PDSS2: variants seen among roughly 807,000 people sequenced by gnomAD.
PDSS2 encodes the protein decaprenyl diphosphate synthase subunit 2, also known as all trans-polyprenyl-diphosphate synthase PDSS2.
Under a neutral mutation model 44.5 loss-of-function variants are expected in PDSS2, and 31 were observed. The observed-to-expected ratio is 0.70, with a 90% CI of 0.52 to 0.94. PDSS2 has a LOEUF of 0.94. PDSS2 is among the 40% of genes least tolerant of loss of function. PDSS2 has a pLI of 0.00. For synonymous variants in PDSS2, 157 were observed against 180.3 expected (o/e 0.87, Z 1.03); for missense variants, 452 against 482.2 (o/e 0.94, Z 0.59).
At chr6:107,421,093 A>C (rs910081106) in intron 1 of PDSS2, among the ~76,000 whole-genome samples, 4 of 152,172 alleles carry the variant, frequency 2.6e-5, no homozygotes, top group Non-Finnish European at 5.9e-5. Context: ...ACATGAAAAA[A>C]CGTTCGACAT....
intron 2 of PDSS2, among the ~76,000 whole-genome samples, chr6:107,322,585 C>G (rs1376752628): frequency 2.6e-5 from 4 of 151,080 alleles, no homozygotes; most frequent in African/African-American, 9.7e-5. Flanking sequence ...TGGCTCATGC[C>G]TGTAATCCCA....
chr6:107,273,947 G>A, intron 3 of PDSS2, 82 bp downstream of exon 3: 1 of 1,036,322 alleles, frequency 9.6e-7, no homozygotes, highest in South Asian at 1.3e-5. Flanking sequence ...GGGGCAGCCG[G>A]GCACACAGAC....
chr6:107,402,876 A>T (rs577065359), intron 1 of PDSS2, among the ~76,000 whole-genome samples: 1 of 152,144 alleles, frequency 6.6e-6, no homozygotes, highest in South Asian at 2.1e-4. Context: ...GGATTATGGG[A>T]ACTACAGTTC....
chr6:107,368,009 G>A (rs981246660), intron 1 of PDSS2, among the ~76,000 whole-genome samples: 1 of 151,968 alleles, frequency 6.6e-6, no homozygotes, highest in African/African-American at 2.4e-5. Flanking sequence ...GGTGGCTCAC[G>A]CCCGTAATCC....
At chr6:107,170,771 CCTGG>C (rs1485445389) in intron 7 of PDSS2, among the ~76,000 whole-genome samples, 2 of 152,120 alleles carry the variant, frequency 1.3e-5, no homozygotes, top group Admixed American at 1.3e-4. Flanking sequence ...TGCCATGATG[CCTGG>C]CTAATTTTTG....
At chr6:107,310,380 C>CA (rs1562453097) in intron 2 of PDSS2, among the ~76,000 whole-genome samples, 1 of 151,660 alleles carries the variant, frequency 6.6e-6, no homozygotes, top group African/African-American at 2.4e-5. Flanking sequence ...GATTCACTGC[C>CA]AAAAAAGAGA....
Position 107,343,367 on chromosome 6 carries a change from C to T in PDSS2, c.297-9035G>A, listed in dbSNP as rs1173923199. On this transcript the variant is annotated intron_variant, in intron 1 of 7. Coordinates refer to ENST00000369037, the MANE Select transcript of PDSS2 (RefSeq NM_020381.4). ...CAGGAATACTCTAATCTTTTCTACT[C>T]CTTTTTAAAATGCTGACTGCAACCT... 4.6e-5 allele frequency among the ~76,000 whole-genome samples: 7 copies of T among 152,130 alleles called. No individual in the cohort carries two copies. The South Asian group carries it at 1.0e-3, about 22-fold the overall frequency.
At chr6:107,160,226 CAAAACA>C (rs1238370375) in intron 7 of PDSS2, among the ~76,000 whole-genome samples, 3 of 151,802 alleles carry the variant, frequency 2.0e-5, no homozygotes, top group Non-Finnish European at 4.4e-5. Flanking sequence ...AAAAAACAAA[CAAAACA>C]AAAACAAAAA....
At chr6:107,172,771 CTTT>C (rs369070437) in intron 7 of PDSS2, among the ~76,000 whole-genome samples, 46 of 147,692 alleles carry the variant, frequency 3.1e-4, no homozygotes, top group Non-Finnish European at 6.3e-4. Context: ...CACACACATT[CTTT>C]TTTTTTTTCT....
chr6:107,179,440 C>T (rs1771899949), intron 7 of PDSS2, among the ~76,000 whole-genome samples: 1 of 152,070 alleles, frequency 6.6e-6, no homozygotes, highest in Non-Finnish European at 1.5e-5. Flanking sequence ...GCCATTACGC[C>T]TAGCTAATTA....
intron 1 of PDSS2, among the ~76,000 whole-genome samples, chr6:107,456,946 C>T (rs1242888600): frequency 6.6e-6 from 1 of 152,128 alleles, no homozygotes; most frequent in African/African-American, 2.4e-5. Context: ...GGTAAAGTTA[C>T]AATTCTTAAG....
chr6:107,287,590 C>T (rs764657285), intron 2 of PDSS2, among the ~76,000 whole-genome samples: 14 of 152,144 alleles, frequency 9.2e-5, no homozygotes, highest in South Asian at 4.2e-4. Context: ...GGTGCAATCT[C>T]GGCTCACTGC....
chr6:107,453,752 T>C (rs1222159293), intron 1 of PDSS2, among the ~76,000 whole-genome samples: 1 of 152,188 alleles, frequency 6.6e-6, no homozygotes, highest in African/African-American at 2.4e-5. Flanking sequence ...TTTTAAGGTC[T>C]TCCCCATACC....
intron 3 of PDSS2, among the ~76,000 whole-genome samples, chr6:107,273,016 C>T (rs1482848779): frequency 6.6e-6 from 1 of 152,088 alleles, no homozygotes; most frequent in Non-Finnish European, 1.5e-5. Context: ...TCTCAGCTCA[C>T]TTCAACCTAC....
At chr6:107,312,105 C>T (rs188082515) in intron 2 of PDSS2, among the ~76,000 whole-genome samples, 24 of 152,340 alleles carry the variant, frequency 1.6e-4, no homozygotes, top group Admixed American at 1.4e-3. Context: ...GGAAATAGCA[C>T]AGTGCATGCA....
At chr6:107,372,671 C>T (rs1562495108) in intron 1 of PDSS2, among the ~76,000 whole-genome samples, 1 of 152,238 alleles carries the variant, frequency 6.6e-6, no homozygotes, top group East Asian at 1.9e-4. Flanking sequence ...CCAGGATGGT[C>T]TCGATCTCCT....
chr6:107,181,259 G>A (rs1282096174), intron 7 of PDSS2, among the ~76,000 whole-genome samples: 1 of 152,218 alleles, frequency 6.6e-6, no homozygotes, highest in Non-Finnish European at 1.5e-5. Flanking sequence ...TTGGGGCCGG[G>A]CGCAGTGGCT....
intron 2 of PDSS2, among the ~76,000 whole-genome samples, chr6:107,305,865 T>C (rs945599889): frequency 2.6e-5 from 4 of 152,182 alleles, no homozygotes; most frequent in Admixed American, 6.5e-5. Flanking sequence ...ACTTACAGTC[T>C]AGTGCGGAGG....
intron 2 of PDSS2, among the ~76,000 whole-genome samples, chr6:107,279,784 C>G (rs542348289): frequency 3.5e-4 from 53 of 152,300 alleles, no homozygotes; most frequent in African/African-American, 1.2e-3. Context: ...CCTGTAATTT[C>G]ACTCTCTAGT....
Sources: gnomAD v4.1 joint callset for allele counts (sites outside exome capture counted in the v4.1 genomes callset) on GRCh38, gnomAD v4.1.1 for gene constraint, MANE v1.5 for transcripts, NCBI Gene and HGNC (gene_info 2026-07-23, HGNC 2026-07-21) for gene names.